FBXO11: variants seen among roughly 807,000 people sequenced by gnomAD.
The protein encoded by FBXO11 is F-box protein 11.
Under a neutral mutation model 117.0 loss-of-function variants are expected in FBXO11, and 13 were observed. The observed-to-expected ratio is 0.11, with a 90% CI of 0.07 to 0.18. FBXO11 has a LOEUF of 0.18. Among genes scored for constraint, FBXO11 ranks in the 10% least tolerant of loss-of-function variants. The pLI, the probability that FBXO11 is intolerant of heterozygous loss-of-function variation, is 1.00. For synonymous variants in FBXO11, 490 were observed against 380.5 expected, an observed-to-expected ratio of 1.29 and a Z score of -3.35; for missense variants, 767 against 1,164.4, an observed-to-expected ratio of 0.66 and a Z score of 4.97.
intron 1 of FBXO11, among the ~76,000 whole-genome samples, chr2:47,844,915 G>A (rs942359493): frequency 3.3e-5 from 5 of 152,192 alleles, no homozygotes; most frequent in South Asian, 2.1e-4. Context: ...GGGATTACAG[G>A]CATGAGCCAC....
intron 1 of FBXO11, among the ~76,000 whole-genome samples, chr2:47,889,039 A>T (rs759394934): frequency 6.6e-6 from 1 of 152,074 alleles, no homozygotes; most frequent in African/African-American, 2.4e-5. Flanking sequence ...AAACAGAAAC[A>T]TTCATTCACT....
At position 47,835,888 on chromosome 2, in the gene FBXO11, T is replaced by C. The variant is rs1170919154; in HGVS notation, c.701A>G (p.Glu234Gly). 1 of 1,604,474 alleles carries C rather than the reference T, an allele frequency of 6.2e-7. No individual in the cohort carries two copies. The highest frequency in any genetic ancestry group is 1.7e-5 in the Admixed American group (1 of 58,474). Reference sequence around the variant, plus strand: ...ATTTCATACCAACTGCTGGAAACTCTCTTTCCAGGGATTTGGATGTTCATA... The same window carrying C: ...ATTTCATACCAACTGCTGGAAACTCCCTTTCCAGGGATTTGGATGTTCATA... Reference protein sequence around the residue: ...EEYEHPNPWKESFQQLYKGAH... With the variant: ...EEYEHPNPWKGSFQQLYKGAH... The change falls in exon 5 of 23, where the codon GAG becomes GGG. Residue 234 changes from glutamate (E) to glycine (G), a missense_variant. Transcript: ENST00000403359.
At chr2:47,861,395 T>C (rs1010421205) in intron 1 of FBXO11, among the ~76,000 whole-genome samples, 16 of 151,028 alleles carry the variant, frequency 1.1e-4, no homozygotes, top group African/African-American at 3.7e-4. Flanking sequence ...CATGGCTCAC[T>C]GCAGCCTCGA....
At chr2:47,838,502 A>C (rs1186564420) in intron 4 of FBXO11, among the ~76,000 whole-genome samples, 1 of 148,128 alleles carries the variant, frequency 6.8e-6, no homozygotes, top group Non-Finnish European at 1.5e-5. Flanking sequence ...ATTCATGAAT[A>C]CAACTGTTTT....
At chr2:47,832,210 T>C in intron 11 of FBXO11, 139 bp downstream of exon 11, 2 of 640,474 alleles carry the variant, frequency 3.1e-6, no homozygotes, top group Non-Finnish European at 2.5e-6. Flanking sequence ...ATATTAATTT[T>C]AAAAAATAAT....
intron 1 of FBXO11, among the ~76,000 whole-genome samples, chr2:47,875,497 TC>T (rs1675934169): frequency 1.0e-5 from 1 of 96,508 alleles, no homozygotes. Context: ...TCTTTTTTTG[TC>T]TTTTTTTTTT....
At chr2:47,862,078 A>G (rs1159807309) in intron 1 of FBXO11, among the ~76,000 whole-genome samples, 4 of 151,862 alleles carry the variant, frequency 2.6e-5, no homozygotes, top group Non-Finnish European at 5.9e-5. Flanking sequence ...ATGCCTGGCT[A>G]ATTTTTTTTA....
intron 1 of FBXO11, among the ~76,000 whole-genome samples, chr2:47,861,219 TTATG>T (rs1484366451): frequency 6.6e-6 from 1 of 152,180 alleles, no homozygotes; most frequent in Non-Finnish European, 1.5e-5. Context: ...CTGTGTACAC[TTATG>T]TATCTTGTAA....
intron 11 of FBXO11, 93 bp downstream of exon 11, chr2:47,832,256 A>T: frequency 9.5e-7 from 1 of 1,054,000 alleles, no homozygotes. Flanking sequence ...TCTTCAATTC[A>T]GATAATTTGG....
chr2:47,817,319 T>A (rs1671074032), intron 16 of FBXO11, among the ~76,000 whole-genome samples: 1 of 152,248 alleles, frequency 6.6e-6, no homozygotes, highest in Non-Finnish European at 1.5e-5. Context: ...TAAGGGAATG[T>A]TGCGGCTGGT....
chr2:47,812,683 G>A (rs79846855), intron 18 of FBXO11, among the ~76,000 whole-genome samples: 9 of 152,206 alleles, frequency 5.9e-5, no homozygotes, highest in African/African-American at 1.7e-4. Context: ...AACAGCGATA[G>A]ATTTGCATTT....
intron 5 of FBXO11, among the ~76,000 whole-genome samples, chr2:47,835,440 T>C (rs1672476612): frequency 6.6e-6 from 1 of 152,208 alleles, no homozygotes; most frequent in Non-Finnish European, 1.5e-5. Flanking sequence ...GATATGTCAG[T>C]AGTGAAAAGA....
At chr2:47,814,702 A>G (rs776842835) in intron 16 of FBXO11, among the ~76,000 whole-genome samples, 18 of 152,266 alleles carry the variant, frequency 1.2e-4, no homozygotes, top group South Asian at 6.2e-4. Context: ...TTAAAATAAG[A>G]CAATTAAGTT....
At chr2:47,809,877 T>C in intron 19 of FBXO11, 170 bp from the exon 20 acceptor site, 1 of 551,254 alleles carries the variant, frequency 1.8e-6, no homozygotes, top group South Asian at 2.5e-5. Flanking sequence ...TAACATTCAC[T>C]TATCAATGAC....
intron 1 of FBXO11, among the ~76,000 whole-genome samples, chr2:47,854,011 G>A (rs969790510): frequency 1.8e-4 from 27 of 152,152 alleles, no homozygotes; most frequent in African/African-American, 6.0e-4. Context: ...AATGAATACT[G>A]TTCCCTTTAA....
At chr2:47,831,916 T>C (rs1394779026) in intron 11 of FBXO11, among the ~76,000 whole-genome samples, 4 of 152,190 alleles carry the variant, frequency 2.6e-5, no homozygotes, top group African/African-American at 9.7e-5. Flanking sequence ...AATGAAACCA[T>C]TATTTCTCAA....
intron 1 of FBXO11, among the ~76,000 whole-genome samples, chr2:47,886,857 G>C (rs1676890585): frequency 6.6e-6 from 1 of 151,948 alleles, no homozygotes; most frequent in Non-Finnish European, 1.5e-5. Context: ...AACACAATGA[G>C]ACCCCTGTCT....
At chr2:47,903,004 A>G (rs535920179) in intron 1 of FBXO11, among the ~76,000 whole-genome samples, 13 of 152,196 alleles carry the variant, frequency 8.5e-5, no homozygotes, top group African/African-American at 3.1e-4. Context: ...GCATATTCCT[A>G]AACTAGCAAC....
intron 11 of FBXO11, among the ~76,000 whole-genome samples, chr2:47,829,962 G>A (rs1328046402): frequency 6.6e-6 from 1 of 151,862 alleles, no homozygotes; most frequent in Non-Finnish European, 1.5e-5. Flanking sequence ...AAAATTAAAG[G>A]CAACACCCAC....
Sources: allele counts gnomAD v4.1 joint callset (sites outside exome capture counted in the v4.1 genomes callset), GRCh38; gene constraint gnomAD v4.1.1; transcripts MANE v1.5; gene names NCBI Gene and HGNC (gene_info 2026-07-23, HGNC 2026-07-21).